The following KDM2B variants were observed in gnomAD, a reference collection of about 807,000 sequenced individuals.
The protein encoded by KDM2B is lysine-specific demethylase 2B.
In KDM2B, 26 loss-of-function variants were observed where a neutral mutation model predicts 150.0. The observed-to-expected ratio is 0.17, with a 90% CI of 0.13 to 0.24. The LOEUF (loss-of-function observed/expected upper bound fraction) is 0.24, where lower values mean the gene tolerates loss of function less well. Among genes scored for constraint, KDM2B ranks in the 10% least tolerant of loss-of-function variants. KDM2B has a pLI of 1.00. For synonymous variants in KDM2B, 734 were observed against 729.5 expected (o/e 1.01, Z -0.10); for missense variants, 1,265 against 1,816.9 (o/e 0.70, Z 5.52).
intron 6 of KDM2B, among the ~76,000 whole-genome samples, chr12:121,548,060 T>C (rs1420526019): frequency 6.6e-6 from 1 of 152,148 alleles, no homozygotes; most frequent in Admixed American, 6.5e-5. Flanking sequence ...ACAGCCCATG[T>C]TAAATAATCA....
intron 12 of KDM2B, among the ~76,000 whole-genome samples, chr12:121,482,749 C>A (rs782620765): frequency 2.0e-5 from 3 of 152,188 alleles, no homozygotes; most frequent in African/African-American, 7.2e-5. Context: ...TAATTGAATA[C>A]GGCCTCATCT....
At chr12:121,486,593 C>T (rs1882790259) in intron 12 of KDM2B, among the ~76,000 whole-genome samples, 1 of 151,962 alleles carries the variant, frequency 6.6e-6, no homozygotes. Context: ...TTGAGACCAG[C>T]CTGGCCAATA....
chr12:121,544,158 C>T (rs1270933753), intron 6 of KDM2B, among the ~76,000 whole-genome samples: 2 of 148,432 alleles, frequency 1.3e-5, no homozygotes, highest in African/African-American at 2.5e-5. Flanking sequence ...CACCTATAGT[C>T]CTAGCTACTC....
intron 12 of KDM2B, among the ~76,000 whole-genome samples, chr12:121,481,364 C>A (rs1882114571): frequency 6.6e-6 from 1 of 152,130 alleles, no homozygotes; most frequent in African/African-American, 2.4e-5. Flanking sequence ...TTCATCCTTC[C>A]CAACTTTGTA....
chr12:121,422,892 C>A, the KDM2B span, among the ~76,000 whole-genome samples: 1 of 150,060 alleles, frequency 6.7e-6, no homozygotes, highest in African/African-American at 2.5e-5. Context: ...GGGAAGGATG[C>A]ACAATTATTC....
At chr12:121,495,893 T>C (rs887614340) in intron 11 of KDM2B, among the ~76,000 whole-genome samples, 1 of 151,822 alleles carries the variant, frequency 6.6e-6, no homozygotes, top group Middle Eastern at 3.4e-3. Flanking sequence ...ATGGGCTGCG[T>C]TGGACGGACT....
intron 6 of KDM2B, among the ~76,000 whole-genome samples, chr12:121,539,284 C>T (rs1888403392): frequency 1.5e-5 from 2 of 137,170 alleles, no homozygotes; most frequent in South Asian, 4.6e-4. Context: ...ATCACGACTG[C>T]GCCACTGCAC....
chr12:121,579,100 T>C, intron 1 of KDM2B, 154 bp from the exon 2 acceptor site: 1 of 820,158 alleles, frequency 1.2e-6, no homozygotes, highest in African/African-American at 1.7e-5. Context: ...CCAAAGATGC[T>C]GAAAAGCAGG....
chr12:121,516,746 G>A, intron 9 of KDM2B: 2 of 648,556 alleles, frequency 3.1e-6, no homozygotes, highest in Non-Finnish European at 5.4e-6. Context: ...CAAGCTGAGT[G>A]ACCTCAGGAG....
At chr12:121,472,205 G>A (rs929492928) in intron 12 of KDM2B, among the ~76,000 whole-genome samples, 2 of 152,158 alleles carry the variant, frequency 1.3e-5, no homozygotes, top group African/African-American at 2.4e-5. Context: ...GAGAATGCGC[G>A]CTTCAGTTAT....
At chr12:121,493,059 CTTTTTTTTTTTTTTT>C (rs61628112) in intron 12 of KDM2B, among the ~76,000 whole-genome samples, 5 of 54,080 alleles carry the variant, frequency 9.2e-5, no homozygotes, top group African/African-American at 3.6e-4. Flanking sequence ...TCATGCCTGG[CTTTTTTTTTTTTTTT>C]TTTTTTTTTT....
Position 121,429,659 on chromosome 12 carries a change from A to C in KDM2B, c.*629T>G. On this transcript the variant is annotated 3_prime_UTR_variant, in exon 23 of 23. Coordinates refer to ENST00000377071, the MANE Select transcript of KDM2B (RefSeq NM_032590.5). Reference sequence around the variant, plus strand: ...GGAAGGTCTTAGCCTACTTTGTTAGATCTGGGCACATTTGTAGATGGGTTG... The same window carrying C: ...GGAAGGTCTTAGCCTACTTTGTTAGCTCTGGGCACATTTGTAGATGGGTTG... 3.6e-6 allele frequency: 1 copy of C among 275,694 alleles called. No individual in the cohort carries two copies. The highest frequency in any genetic ancestry group is 6.8e-6 in the Non-Finnish European group (1 of 146,428). 17.1% of individuals were successfully genotyped at this position (275,694 alleles called of 1,614,324 possible). A position where few individuals can be genotyped will look rare whatever the true frequency, so the allele number is the denominator to read the frequency against.
chr12:121,560,649 G>A (rs2136239416), intron 4 of KDM2B, among the ~76,000 whole-genome samples: 1 of 152,166 alleles, frequency 6.6e-6, no homozygotes, highest in South Asian at 2.1e-4. Flanking sequence ...GGGGCAGTGG[G>A]GGCAGAGGAA....
intron 22 of KDM2B, among the ~76,000 whole-genome samples, chr12:121,436,516 A>G (rs1359242067): frequency 7.8e-6 from 1 of 127,784 alleles, no homozygotes; most frequent in Non-Finnish European, 1.8e-5. Flanking sequence ...GTGAGACTCC[A>G]TCTCAAAAAA....
chr12:121,547,572 C>T (rs561857671), intron 6 of KDM2B, among the ~76,000 whole-genome samples: 3 of 152,056 alleles, frequency 2.0e-5, no homozygotes, highest in East Asian at 1.9e-4. Flanking sequence ...GGATTCAGGC[C>T]GCCAGCGCCA....
At chr12:121,569,453 G>A (rs1312569360) in intron 4 of KDM2B, among the ~76,000 whole-genome samples, 1 of 152,178 alleles carries the variant, frequency 6.6e-6, no homozygotes, top group Non-Finnish European at 1.5e-5. Flanking sequence ...GAAGTGGGAA[G>A]CAGAAAGGAG....
intron 4 of KDM2B, among the ~76,000 whole-genome samples, chr12:121,572,974 T>C (rs1156386486): frequency 2.7e-5 from 4 of 150,878 alleles, no homozygotes; most frequent in East Asian, 2.0e-4. Context: ...TACAGGCGCC[T>C]GCCACTACGC....
rs1886645146 is a variant in KDM2B at position 121,521,107 on chromosome 12, T to G, written c.932-7A>C. The G allele has an allele frequency of 6.2e-7, 1 of 1,604,788 alleles. No homozygotes were observed. Among genetic ancestry groups the G allele is most frequent in the African/African-American group, 1.3e-5 (1 of 74,384 alleles). The stretch of plus-strand genomic sequence containing the variant: ...TAGACGGCATGGATCCAACCTGGGG[T>G]GGGAAGGGCAAGGAGAGGATGAGCC... On this transcript the variant is annotated splice_region_variant and splice_polypyrimidine_tract_variant and intron_variant, in intron 8 of 22. Transcript: ENST00000377071. The surrounding 1 kb of genome is among the most constrained non-coding windows in gnomAD (Gnocchi z 4.9).
Position 121,513,253 on chromosome 12 carries a change from T to C in KDM2B, c.1174+23A>G. 1.2e-6 allele frequency: 2 copies of C among 1,608,196 alleles called. No homozygotes were observed. Among genetic ancestry groups the C allele is most frequent in the Non-Finnish European group, 1.7e-6 (2 of 1,175,632 alleles). The stretch of plus-strand genomic sequence containing the variant: ...TGCCCCAGCTGTGCAGCCGAGGCCG[T>C]GGGCTCCCTCCGGTTCACTCACCAA... On this transcript the variant is annotated intron_variant, in intron 10 of 22. Transcript: ENST00000377071. This position sits in a 1 kb window ranked among gnomAD's most constrained non-coding sequence, Gnocchi z 5.0.
Sources: gnomAD v4.1 joint callset for allele counts (sites outside exome capture counted in the v4.1 genomes callset) on GRCh38, gnomAD v4.1.1 for gene constraint, Gnocchi (gnomAD v3.1) non-coding constraint, MANE v1.5 for transcripts, NCBI Gene and HGNC (gene_info 2026-07-23, HGNC 2026-07-21) for gene names.